Variants in NKAIN2 observed in about 807,000 individuals in gnomAD.
NKAIN2 encodes sodium/potassium-transporting ATPase subunit beta-1-interacting protein 2.
NKAIN2 carries 14 observed loss-of-function variants against 32.6 expected under a neutral mutation model. The observed-to-expected ratio is 0.43, with a 90% CI of 0.28 to 0.67. The LOEUF is 0.67. NKAIN2 is among the 30% of genes least tolerant of loss of function. The pLI, the probability that NKAIN2 is intolerant of heterozygous loss-of-function variation, is 0.17. For missense variants in NKAIN2, 198 were observed against 258.3 expected (o/e 0.77, Z 1.60); for synonymous variants, 80 against 87.2 (o/e 0.92, Z 0.46).
At chr6:124,714,194 A>G (rs1362112078) in intron 4 of NKAIN2, among the ~76,000 whole-genome samples, 1 of 151,942 alleles carries the variant, frequency 6.6e-6, no homozygotes, top group Non-Finnish European at 1.5e-5. Flanking sequence ...TAAATATTGG[A>G]GCTGAGGGCT....
chr6:124,094,396 A>G (rs1784563179), intron 1 of NKAIN2, among the ~76,000 whole-genome samples: 1 of 152,122 alleles, frequency 6.6e-6, no homozygotes, highest in South Asian at 2.1e-4. Context: ...AATATGACCT[A>G]GTAACTATTT....
At chr6:124,432,269 T>C (rs1340822095) in intron 3 of NKAIN2, among the ~76,000 whole-genome samples, 2 of 152,166 alleles carry the variant, frequency 1.3e-5, no homozygotes, top group African/African-American at 2.4e-5. Flanking sequence ...CAGTTTAATC[T>C]GTAATGCCCC....
chr6:124,802,015 C>A (rs1344393030), intron 5 of NKAIN2, among the ~76,000 whole-genome samples: 1 of 152,070 alleles, frequency 6.6e-6, no homozygotes, highest in East Asian at 1.9e-4. Context: ...TTAGAGTAAC[C>A]ATGGGACATT....
At chr6:123,832,125 T>G (rs555015659) in intron 1 of NKAIN2, among the ~76,000 whole-genome samples, 39 of 152,282 alleles carry the variant, frequency 2.6e-4, no homozygotes, top group African/African-American at 8.9e-4. Flanking sequence ...CTGTGCTCCA[T>G]CCATTCATCT....
chr6:123,884,919 T>C (rs1773642517), intron 1 of NKAIN2, among the ~76,000 whole-genome samples: 1 of 152,164 alleles, frequency 6.6e-6, no homozygotes, highest in Admixed American at 6.5e-5. Context: ...TTGTAGTAAA[T>C]ATAGCTAATT....
chr6:124,337,955 G>T (rs993689335), intron 2 of NKAIN2, among the ~76,000 whole-genome samples: 4 of 152,066 alleles, frequency 2.6e-5, no homozygotes, highest in Admixed American at 2.0e-4. Context: ...TGTTTACATT[G>T]GTGTACCTTA....
At chr6:124,771,598 C>CT (rs781411563) in intron 4 of NKAIN2, among the ~76,000 whole-genome samples, 3 of 152,116 alleles carry the variant, frequency 2.0e-5, no homozygotes, top group Non-Finnish European at 4.4e-5. Flanking sequence ...GGATTTAACA[C>CT]TTTTGCAAAA....
At chr6:124,177,815 G>A in intron 1 of NKAIN2, among the ~76,000 whole-genome samples, 1 of 1,660 alleles carries the variant, frequency 6.0e-4, no homozygotes, top group Non-Finnish European at 1.5e-3. Flanking sequence ...ACGGAGTCTC[G>A]CTCTGTCGCC....
intron 3 of NKAIN2, among the ~76,000 whole-genome samples, chr6:124,407,537 A>G (rs1028243706): frequency 2.0e-4 from 30 of 152,162 alleles, no homozygotes; most frequent in African/African-American, 7.2e-4. Context: ...ATCATTTTTT[A>G]TGGCTTCATA....
At chr6:124,442,643 G>T (rs1483389186) in intron 3 of NKAIN2, among the ~76,000 whole-genome samples, 3 of 152,042 alleles carry the variant, frequency 2.0e-5, no homozygotes, top group Admixed American at 1.3e-4. Context: ...TTATGATGCA[G>T]TAGTTCTGAT....
chr6:124,018,891 A>G (rs1780725997), intron 1 of NKAIN2, among the ~76,000 whole-genome samples: 1 of 152,100 alleles, frequency 6.6e-6, no homozygotes, highest in Admixed American at 6.6e-5. Flanking sequence ...AATTTACTGT[A>G]TTAGTCTGTT....
At chr6:124,798,405 G>A (rs921018670) in intron 5 of NKAIN2, among the ~76,000 whole-genome samples, 46 of 151,884 alleles carry the variant, frequency 3.0e-4, no homozygotes, top group African/African-American at 1.1e-3. Context: ...GAATTTGATG[G>A]TGACTGACTG....
In NKAIN2 at chr6:124,541,154, C is replaced by T. The variant is rs112392408; in HGVS notation, c.274-117032C>T. On this transcript the variant is annotated intron_variant, in intron 3 of 6. Transcript: ENST00000368417. ...ACACACACACACCTCCCTCTGTCAG[C>T]CAGTATTTCTAAAATATTTCTACTG... 9.6e-3 allele frequency among the ~76,000 whole-genome samples: 1,465 copies of T among 152,182 alleles called. 26 individuals are homozygous for T. The highest frequency in any genetic ancestry group is 0.033 in the African/African-American group (1,382 of 41,532).
intron 3 of NKAIN2, among the ~76,000 whole-genome samples, chr6:124,411,321 G>A (rs200085001): frequency 0.11 from 10,990 of 103,488 alleles, 825 homozygotes; most frequent in African/African-American, 0.27. Flanking sequence ...GGCTGGTACC[G>A]GTTGTTCCTT....
intron 1 of NKAIN2, among the ~76,000 whole-genome samples, chr6:124,087,252 T>C (rs1179064510): frequency 2.0e-5 from 3 of 151,840 alleles, no homozygotes; most frequent in Admixed American, 6.6e-5. Context: ...CTCAGCAAAG[T>C]AGGAATTGAG....
intron 3 of NKAIN2, among the ~76,000 whole-genome samples, chr6:124,559,858 T>TGG (rs1780622764): frequency 7.1e-6 from 1 of 139,908 alleles, no homozygotes; most frequent in Non-Finnish European, 1.5e-5. Context: ...TTTTTTTTTT[T>TGG]TTTGCTTTAA....
Position 124,166,596 on chromosome 6 carries a change from C to A in NKAIN2, c.55-116409C>A, listed in dbSNP as rs1322838617. On this transcript the variant is annotated intron_variant, in intron 1 of 6. Transcript: ENST00000368417. ...TTTAGACATGAAGTCCTTGCCCATG[C>A]CTATGTCCTGAATGGTAATGCCTAG... 5.9e-5 allele frequency among the ~76,000 whole-genome samples: 9 copies of A among 151,500 alleles called. 1 individual carries two copies. Among genetic ancestry groups the A allele is most frequent in the African/African-American group, 2.2e-4 (9 of 41,300 alleles).
At chr6:123,808,138 G>A (rs553712738) in intron 1 of NKAIN2, among the ~76,000 whole-genome samples, 11 of 152,206 alleles carry the variant, frequency 7.2e-5, no homozygotes, top group South Asian at 4.1e-4. Flanking sequence ...AAAATAAAGC[G>A]TTGCTGTGAA....
intron 1 of NKAIN2, among the ~76,000 whole-genome samples, chr6:124,078,091 A>C (rs1049115202): frequency 2.0e-5 from 3 of 152,192 alleles, no homozygotes; most frequent in African/African-American, 7.2e-5. Context: ...GTGGGAATAA[A>C]GTATAGTTCA....
Sources: allele counts gnomAD v4.1 joint callset (sites outside exome capture counted in the v4.1 genomes callset), GRCh38; gene constraint gnomAD v4.1.1; transcripts MANE v1.5; gene names NCBI Gene and HGNC (gene_info 2026-07-23, HGNC 2026-07-21).